SYT16: variants seen among roughly 807,000 people sequenced by gnomAD.
SYT16 encodes synaptotagmin-16.
In SYT16, 42 loss-of-function variants were observed where a neutral mutation model predicts 61.4. That is an observed-to-expected ratio of 0.68 (90% CI 0.53 to 0.89). The LOEUF (loss-of-function observed/expected upper bound fraction) is 0.89, where lower values mean the gene tolerates loss of function less well. Among genes scored for constraint, SYT16 ranks in the 40% least tolerant of loss-of-function variants. The pLI, the probability that SYT16 is intolerant of heterozygous loss-of-function variation, is 0.00. For synonymous variants in SYT16, 314 were observed against 302.3 expected (o/e 1.04, Z -0.40); for missense variants, 804 against 807.3 (o/e 1.00, Z 0.05).
chr14:62,067,104 A>ATG (rs34755658), intron 3 of SYT16, among the ~76,000 whole-genome samples: 17,889 of 150,612 alleles, frequency 0.12, 1,255 homozygotes, highest in African/African-American at 0.19. Flanking sequence ...GTGTGTGTGC[A>ATG]TGTGTGTGTG....
rs2057610829 is a variant in SYT16 at position 62,111,637 on chromosome 14, T to G, written c.*10930T>G. ...GGCAAATTGATTGTTCAAGGCCAGT[T>G]TTGTTAGTTGTAAGGTGGAAGCCAC... On this transcript the variant is annotated 3_prime_UTR_variant, in exon 8 of 8. Coordinates refer to ENST00000683842, the MANE Select transcript of SYT16 (RefSeq NM_001367656.1). 6.6e-6 allele frequency: 1 copy of G among 152,102 alleles called. No individual in the cohort carries two copies. The highest frequency in any genetic ancestry group is 2.4e-5 in the African/African-American group (1 of 41,446). 9.4% of individuals were successfully genotyped at this position (152,102 alleles called of 1,614,324 possible).
intron 3 of SYT16, among the ~76,000 whole-genome samples, chr14:62,064,319 C>T (rs1282054214): frequency 1.1e-5 from 1 of 88,146 alleles, no homozygotes; most frequent in Non-Finnish European, 2.0e-5. Flanking sequence ...TAGACAAGAG[C>T]CAAACTTTAA....
chr14:61,845,981 C>A (rs772262843), intron 1 of SYT16, among the ~76,000 whole-genome samples: 2 of 152,086 alleles, frequency 1.3e-5, no homozygotes, highest in Admixed American at 1.3e-4. Flanking sequence ...GTATTTGTAT[C>A]GTTTCCAAAT....
In SYT16 at chr14:62,050,431, C is replaced by A. The variant is rs1483010601; in HGVS notation, c.524-19172C>A. On this transcript the variant is annotated intron_variant, in intron 3 of 7. Transcript: ENST00000683842. Reference sequence around the variant, plus strand: ...CATTGGTTCGAACTTCCTCCTTTAGCTCGGAGTAGTTTGATCTTCTGAAGA... The same window carrying A: ...CATTGGTTCGAACTTCCTCCTTTAGATCGGAGTAGTTTGATCTTCTGAAGA... 3.9e-5 allele frequency among the ~76,000 whole-genome samples: 6 copies of A among 152,130 alleles called. No homozygotes were observed. In the East Asian group the frequency reaches 1.2e-3, roughly 29 times the overall value.
At chr14:61,822,021 G>A (rs139512448) in intron 1 of SYT16, among the ~76,000 whole-genome samples, 40 of 152,302 alleles carry the variant, frequency 2.6e-4, no homozygotes, top group African/African-American at 9.6e-4. Context: ...GATCACAAAG[G>A]TAAAGTCCCA....
At chr14:61,916,458 T>C (rs1282367704) in intron 1 of SYT16, among the ~76,000 whole-genome samples, 1 of 152,144 alleles carries the variant, frequency 6.6e-6, no homozygotes, top group East Asian at 1.9e-4. Flanking sequence ...ATTTTTTTTA[T>C]TGACGAGTAA....
intron 1 of SYT16, among the ~76,000 whole-genome samples, chr14:61,886,122 G>A (rs1276113893): frequency 2.0e-5 from 3 of 151,992 alleles, no homozygotes; most frequent in South Asian, 2.1e-4. Flanking sequence ...CCACCACCAC[G>A]CCCAGCTAAT....
At chr14:62,028,472 A>G (rs1002370157) in intron 3 of SYT16, among the ~76,000 whole-genome samples, 2 of 152,238 alleles carry the variant, frequency 1.3e-5, no homozygotes, top group Non-Finnish European at 2.9e-5. Context: ...TGACAGACCA[A>G]GATTTGAATA....
At chr14:61,875,638 CA>C (rs774464089) in intron 1 of SYT16, among the ~76,000 whole-genome samples, 1 of 152,286 alleles carries the variant, frequency 6.6e-6, no homozygotes, top group Non-Finnish European at 1.5e-5. Flanking sequence ...GCTATGAAGC[CA>C]GGGACAGAGT....
At chr14:62,063,447 C>T (rs748971393) in intron 3 of SYT16, among the ~76,000 whole-genome samples, 1 of 152,162 alleles carries the variant, frequency 6.6e-6, no homozygotes, top group Admixed American at 6.5e-5. Flanking sequence ...GTCTTCTCAA[C>T]AATTTTAAGA....
Position 62,028,843 on chromosome 14 carries a change from A to G in SYT16, c.523+32301A>G, listed in dbSNP as rs185203739. Among the ~76,000 whole-genome samples, 14 of 152,338 alleles carry G rather than the reference A, an allele frequency of 9.2e-5. No individual in the cohort carries two copies. In the East Asian group the frequency reaches 2.7e-3, roughly 29 times the overall value. Reference sequence around the variant, plus strand: ...GTAAAAGAAAATTTACAATTAATTTATAACTATGAACTTGAAAGTATTGTG... The same window carrying G: ...GTAAAAGAAAATTTACAATTAATTTGTAACTATGAACTTGAAAGTATTGTG... On this transcript the variant is annotated intron_variant, in intron 3 of 7. Coordinates refer to ENST00000683842, the MANE Select transcript of SYT16 (RefSeq NM_001367656.1).
intron 3 of SYT16, among the ~76,000 whole-genome samples, chr14:62,067,399 G>A (rs149140354): frequency 6.6e-6 from 1 of 152,212 alleles, no homozygotes; most frequent in Non-Finnish European, 1.5e-5. Context: ...TGAGACCTGC[G>A]ATGTGAAGGA....
At chr14:61,883,166 C>G (rs1361095535) in intron 1 of SYT16, among the ~76,000 whole-genome samples, 1 of 152,172 alleles carries the variant, frequency 6.6e-6, no homozygotes, top group Non-Finnish European at 1.5e-5. Context: ...TCTGACATGC[C>G]CTGGAGACAT....
intron 2 of SYT16, among the ~76,000 whole-genome samples, chr14:61,994,634 T>C (rs943916252): frequency 6.6e-6 from 1 of 151,938 alleles, no homozygotes; most frequent in African/African-American, 2.4e-5. Context: ...TACATGTAGG[T>C]GGTGGGAAGA....
intron 1 of SYT16, among the ~76,000 whole-genome samples, chr14:61,957,872 G>A (rs1464394301): frequency 6.6e-6 from 1 of 151,746 alleles, no homozygotes; most frequent in Non-Finnish European, 1.5e-5. Flanking sequence ...TTTTAGGATT[G>A]TTATTAATTC....
chr14:61,867,647 T>TA (rs1254263092), intron 1 of SYT16, among the ~76,000 whole-genome samples: 1 of 152,068 alleles, frequency 6.6e-6, no homozygotes. Context: ...CTATTTACAA[T>TA]AAAAAACAAT....
chr14:61,823,831 C>T lies in SYT16; in HGVS notation c.-325+11021C>T, dbSNP rs533413690. Among the ~76,000 whole-genome samples the T allele has an allele frequency of 1.8e-4, 27 of 152,174 alleles. No individual in the cohort carries two copies. The South Asian group carries it at 2.3e-3, about 13-fold the overall frequency. ...GACTGCTTTATGATACTGTTCCGTG[C>T]GACAATAAGCTGCTGATTGAATTCT... On this transcript the variant is annotated intron_variant, in intron 1 of 7. Transcript: ENST00000683842.
At chr14:61,888,734 T>G (rs1371786349) in intron 1 of SYT16, among the ~76,000 whole-genome samples, 1 of 150,186 alleles carries the variant, frequency 6.7e-6, no homozygotes, top group Admixed American at 6.6e-5. Context: ...CTGATACACT[T>G]GCGCAATGCA....
At chr14:61,928,086 C>T (rs2049607048) in intron 1 of SYT16, among the ~76,000 whole-genome samples, 1 of 152,092 alleles carries the variant, frequency 6.6e-6, no homozygotes, top group South Asian at 2.1e-4. Context: ...GATATTTAAC[C>T]TATTTGTTTT....
Sources: gnomAD v4.1 joint callset for allele counts (sites outside exome capture counted in the v4.1 genomes callset) on GRCh38, gnomAD v4.1.1 for gene constraint, MANE v1.5 for transcripts, NCBI Gene and HGNC (gene_info 2026-07-23, HGNC 2026-07-21) for gene names.